MPPED1: variants seen among roughly 807,000 people sequenced by gnomAD.
MPPED1 encodes the protein metallophosphoesterase domain-containing protein 1.
Under a neutral mutation model 36.2 loss-of-function variants are expected in MPPED1, and 16 were observed. That is an observed-to-expected ratio of 0.44 (90% CI 0.30 to 0.67). MPPED1 has a LOEUF of 0.67. Ranked by LOEUF, MPPED1 falls within the 30% of genes least tolerant of loss-of-function variation. The pLI, the probability that MPPED1 is intolerant of heterozygous loss-of-function variation, is 0.10. For missense variants in MPPED1, 307 were observed against 453.4 expected (o/e 0.68, Z 2.93); for synonymous variants, 199 against 191.3 (o/e 1.04, Z -0.33).
chr22:43,477,286 G>T (rs1321091643), intron 4 of MPPED1, among the ~76,000 whole-genome samples: 1 of 152,254 alleles, frequency 6.6e-6, no homozygotes, highest in African/African-American at 2.4e-5. Flanking sequence ...CGCAAGGGAG[G>T]CTGTGAGCTG....
chr22:43,425,411 C>T (rs758076850), intron 2 of MPPED1, among the ~76,000 whole-genome samples: 1 of 152,234 alleles, frequency 6.6e-6, no homozygotes, highest in Non-Finnish European at 1.5e-5. Flanking sequence ...GCCTGTGGGC[C>T]GATTCTGGCC....
chr22:43,475,721 G>C (rs1364908791), intron 4 of MPPED1, among the ~76,000 whole-genome samples: 2 of 139,244 alleles, frequency 1.4e-5, no homozygotes, highest in African/African-American at 5.4e-5. Context: ...TGGTGGTGAT[G>C]GTGATGATGA....
chr22:43,489,220 C>T (rs1221759336), intron 4 of MPPED1, among the ~76,000 whole-genome samples: 2 of 152,166 alleles, frequency 1.3e-5, no homozygotes, highest in Non-Finnish European at 2.9e-5. Context: ...CCTCTTCGCA[C>T]TTCGCCTCCA....
At chr22:43,463,544 TA>T (rs2146870434) in intron 3 of MPPED1, among the ~76,000 whole-genome samples, 1 of 152,236 alleles carries the variant, frequency 6.6e-6, no homozygotes, top group East Asian at 1.9e-4. Context: ...TTGTCTTTTT[TA>T]TTTTAGTGTC....
intron 5 of MPPED1, among the ~76,000 whole-genome samples, chr22:43,500,080 TGGTGATGGC>T (rs1569091515): frequency 2.5e-5 from 2 of 80,464 alleles, no homozygotes; most frequent in Non-Finnish European, 4.8e-5. Context: ...ATGGAGGTGG[TGGTGATGGC>T]GATGGAGGTG....
intron 1 of MPPED1, among the ~76,000 whole-genome samples, chr22:43,412,654 A>T (rs912858351): frequency 2.5e-5 from 3 of 119,464 alleles, no homozygotes; most frequent in African/African-American, 9.6e-5. Flanking sequence ...CCTTCCATCC[A>T]TTCATCCCTC....
chr22:43,475,209 T>A (rs910130442), intron 4 of MPPED1, among the ~76,000 whole-genome samples: 3 of 152,126 alleles, frequency 2.0e-5, no homozygotes, highest in African/African-American at 7.2e-5. Context: ...CTAGCTCACT[T>A]ACAGGCAGGT....
chr22:43,422,511 G>C (rs1206561332), intron 1 of MPPED1, among the ~76,000 whole-genome samples: 1 of 152,134 alleles, frequency 6.6e-6, no homozygotes, highest in Admixed American at 6.5e-5. Context: ...TATCAGAGAA[G>C]CCACCGCAAG....
At chr22:43,501,401 C>G (rs1932730312) in intron 5 of MPPED1, among the ~76,000 whole-genome samples, 1 of 151,992 alleles carries the variant, frequency 6.6e-6, no homozygotes, top group Non-Finnish European at 1.5e-5. Flanking sequence ...CTCCCTCTCT[C>G]CTTTCCATCC....
intron 3 of MPPED1, among the ~76,000 whole-genome samples, chr22:43,468,130 C>G (rs1931237545): frequency 6.6e-6 from 1 of 152,204 alleles, no homozygotes; most frequent in Admixed American, 6.5e-5. Context: ...GGGCCATCCT[C>G]TAGTGCTCTT....
At chr22:43,482,402 C>CCGG (rs1393855693) in intron 4 of MPPED1, among the ~76,000 whole-genome samples, 1 of 152,094 alleles carries the variant, frequency 6.6e-6, no homozygotes, top group African/African-American at 2.4e-5. Flanking sequence ...TCACTGTCTC[C>CCGG]CGGCAGGGCT....
rs1276538488 is a variant in MPPED1 at position 43,505,695 on chromosome 22, G to A, written c.*79G>A. 1 of 1,338,866 alleles carries A rather than the reference G, an allele frequency of 7.5e-7. No homozygotes were observed. 82.9% of individuals were successfully genotyped at this position (1,338,866 alleles called of 1,614,324 possible). A position where few individuals can be genotyped will look rare whatever the true frequency, so the allele number is the denominator to read the frequency against. On this transcript the variant is annotated 3_prime_UTR_variant, in exon 7 of 7. Coordinates refer to ENST00000443721, the MANE Select transcript of MPPED1 (RefSeq NM_001044370.2). The stretch of plus-strand genomic sequence containing the variant: ...CCGGCCACTGTTCCTTCCATGCTGA[G>A]TTGCCTGGACGACCCATCTGGCTGC...
At chr22:43,426,674 G>A (rs1317232495) in intron 2 of MPPED1, among the ~76,000 whole-genome samples, 1 of 152,218 alleles carries the variant, frequency 6.6e-6, no homozygotes, top group African/African-American at 2.4e-5. Flanking sequence ...CTCTGTTGTG[G>A]GGAGAGGGAG....
intron 1 of MPPED1, chr22:43,418,663 TTTCGTG>T (rs1325766810): frequency 1.9e-5 from 3 of 161,438 alleles, no homozygotes; most frequent in African/African-American, 7.2e-5. Flanking sequence ...GGAGGGCTAG[TTTCGTG>T]TCTGGGTCCT....
chr22:43,486,325 T>C (rs1029428872), intron 4 of MPPED1, among the ~76,000 whole-genome samples: 1 of 151,122 alleles, frequency 6.6e-6, no homozygotes, highest in African/African-American at 2.4e-5. Flanking sequence ...CTCTTAATAT[T>C]GGCTGTGGCC....
rs370352789 is a variant in MPPED1, at chr22:43,494,196, C to T, written c.633-4039C>T. Among the ~76,000 whole-genome samples the T allele has an allele frequency of 9.9e-5, 15 of 152,210 alleles. No individual in the cohort carries two copies. The East Asian group carries it at 1.2e-3, about 12-fold the overall frequency. On this transcript the variant is annotated intron_variant, in intron 4 of 6. Transcript: ENST00000443721. ...GACTACAGGTGCGCGCCATCATGCC[C>T]GACTAATTTTTTAAAAATATTTTTG...
chr22:43,498,843 A>G (rs986257273), intron 5 of MPPED1, among the ~76,000 whole-genome samples: 8 of 150,638 alleles, frequency 5.3e-5, no homozygotes, highest in Admixed American at 4.6e-4. Context: ...CCTCATCTGC[A>G]TACTGCCTCC....
intron 3 of MPPED1, among the ~76,000 whole-genome samples, chr22:43,444,293 TG>T (rs1930256056): frequency 1.2e-5 from 1 of 81,362 alleles, no homozygotes; most frequent in Non-Finnish European, 3.2e-5. Flanking sequence ...TGTGTGTGTG[TG>T]TGTGTGTGTG....
In MPPED1 at chr22:43,502,558, A is replaced by T; in HGVS notation, c.749-86A>T. 9.4e-7 allele frequency: 1 copy of T among 1,067,482 alleles called. No homozygotes were observed. The highest frequency in any genetic ancestry group is 1.4e-6 in the Non-Finnish European group (1 of 698,782). 66.1% of individuals were successfully genotyped at this position (1,067,482 alleles called of 1,614,324 possible). A position where few individuals can be genotyped will look rare whatever the true frequency, so the allele number is the denominator to read the frequency against. On this transcript the variant is annotated intron_variant, in intron 5 of 6. Transcript: ENST00000443721. The surrounding 1 kb of genome is among the most constrained non-coding windows in gnomAD (Gnocchi z 5.5). ...AGTCCGGAAGCCCCATGCCTTCTCC[A>T]GGCTGCAGAAGCTGCTGCTAGGCGT...
Sources: allele counts gnomAD v4.1 joint callset (sites outside exome capture counted in the v4.1 genomes callset), GRCh38; gene constraint gnomAD v4.1.1; non-coding constraint Gnocchi (gnomAD v3.1); transcripts MANE v1.5; gene names NCBI Gene and HGNC (gene_info 2026-07-23, HGNC 2026-07-21).